The following VPS13D variants were observed in gnomAD, a reference collection of about 807,000 sequenced individuals.
The protein encoded by VPS13D is intermembrane lipid transfer protein VPS13D.
Under a neutral mutation model 461.9 loss-of-function variants are expected in VPS13D, and 187 were observed. The ratio of observed to expected loss-of-function variants is 0.40; its 90% CI spans 0.36 to 0.46. VPS13D has a LOEUF of 0.46. VPS13D is among the 20% of genes least tolerant of loss of function. The pLI is 0.60. For synonymous variants in VPS13D, 1,951 were observed against 1,986.3 expected, an observed-to-expected ratio of 0.98 and a Z score of 0.47; for missense variants, 4,711 against 5,364.9, an observed-to-expected ratio of 0.88 and a Z score of 3.81.
At chr1:12,258,751 A>G (rs1330309807) in intron 10 of VPS13D, among the ~76,000 whole-genome samples, 1 of 152,152 alleles carries the variant, frequency 6.6e-6, no homozygotes, top group Non-Finnish European at 1.5e-5. Flanking sequence ...AGCAGCTTAG[A>G]CTGTGTCTGA....
At chr1:12,342,076 C>T (rs542373868) in intron 41 of VPS13D, among the ~76,000 whole-genome samples, 191 bp downstream of exon 41, 1 of 152,210 alleles carries the variant, frequency 6.6e-6, no homozygotes, top group East Asian at 1.9e-4. Flanking sequence ...GAAGCAGGTC[C>T]TGAGTCTAAT....
chr1:12,233,132 A>G (rs1485110401), intron 1 of VPS13D, among the ~76,000 whole-genome samples: 1 of 151,682 alleles, frequency 6.6e-6, no homozygotes, highest in Non-Finnish European at 1.5e-5. Flanking sequence ...CAGCCTCCCG[A>G]GTAGCTGGGA....
chr1:12,472,575 C>T (rs1351865852), intron 67 of VPS13D, among the ~76,000 whole-genome samples: 1 of 152,172 alleles, frequency 6.6e-6, no homozygotes, highest in Non-Finnish European at 1.5e-5. Context: ...GCCACGTGTC[C>T]ATCTGCTTTT....
At chr1:12,403,754 A>G (rs930807440) in intron 62 of VPS13D, 71 bp from the exon 63 acceptor site, 2 of 1,431,260 alleles carry the variant, frequency 1.4e-6, no homozygotes, top group African/African-American at 2.9e-5. Context: ...CTATGTGAAT[A>G]CAAAGTGGAT....
chr1:12,290,071 C>A lies in VPS13D; in HGVS notation c.5726-927C>A, dbSNP rs115979916. 5.4e-3 allele frequency among the ~76,000 whole-genome samples: 816 copies of A among 152,252 alleles called. 6 individuals are homozygous for A. Among genetic ancestry groups the A allele is most frequent in the African/African-American group, 0.018 (741 of 41,544 alleles). ...TACAGAGGCAACGGTTCAGAATATT[C>A]CTTTTTAGTATCCATACAGTGTTAA... is the stretch of plus-strand genomic sequence containing the variant. On this transcript the variant is annotated intron_variant, in intron 22 of 69. Transcript: ENST00000620676.
intron 21 of VPS13D, among the ~76,000 whole-genome samples, chr1:12,285,980 T>TTCCTC (rs1641959221): frequency 9.2e-6 from 1 of 108,526 alleles, no homozygotes; most frequent in Non-Finnish European, 1.9e-5. Context: ...TTCCTTTCCT[T>TTCCTC]TCCTTTCCTT....
chr1:12,327,756 T>C lies in VPS13D; in HGVS notation c.8099T>C (p.Leu2700Ser). The C allele has an allele frequency of 6.2e-7, 1 of 1,614,156 alleles. No individual in the cohort carries two copies. Among genetic ancestry groups the C allele is most frequent in the South Asian group, 1.1e-5 (1 of 91,064 alleles). Residue 2700 changes from leucine to serine, a missense_variant, in exon 36 of 70, where the codon TTG becomes TCG. Leu to Ser is a moderately radical substitution (Grantham distance 145). Coordinates refer to ENST00000620676, the MANE Select transcript of VPS13D (RefSeq NM_015378.4). ...AGCCCAGGGGCTGTGGCAGCGCCAT[T>C]GATCTCTGGCGTGGAGATCAAAGCT... is the stretch of plus-strand genomic sequence containing the variant. ...RDSPGAVAAP[L>S]ISGVEIKAES... is the part of the protein sequence containing the mutation.
At chr1:12,350,475 A>G (rs1469919975) in intron 46 of VPS13D, among the ~76,000 whole-genome samples, 2 of 152,186 alleles carry the variant, frequency 1.3e-5, no homozygotes, top group Non-Finnish European at 2.9e-5. Flanking sequence ...TTTTGAATCA[A>G]AAGGTAATAA....
At chr1:12,388,560 G>C (rs1319984815) in intron 60 of VPS13D, among the ~76,000 whole-genome samples, 1 of 150,810 alleles carries the variant, frequency 6.6e-6, no homozygotes, top group East Asian at 1.9e-4. Context: ...GTGACAGATG[G>C]AGACTCTTGT....
intron 67 of VPS13D, among the ~76,000 whole-genome samples, chr1:12,477,608 T>C (rs1214914141): frequency 1.3e-5 from 2 of 152,162 alleles, no homozygotes; most frequent in Non-Finnish European, 2.9e-5. Context: ...TTTAACACTT[T>C]GGATGCTAAT....
intron 67 of VPS13D, 99 bp from the exon 68 acceptor site, chr1:12,497,401 A>G: frequency 2.2e-6 from 3 of 1,394,192 alleles, no homozygotes; most frequent in Non-Finnish European, 2.9e-6. Flanking sequence ...AATGTAAAGT[A>G]TGTCTCGTAT....
chr1:12,455,855 G>A, intron 65 of VPS13D, 143 bp from the exon 66 acceptor site: 1 of 1,037,554 alleles, frequency 9.6e-7, no homozygotes, highest in Non-Finnish European at 1.3e-6. Context: ...GGAGGCGGAG[G>A]TTGTGATGAG....
In VPS13D at chr1:12,299,359, C is replaced by G. The variant is rs1372459262; in HGVS notation, c.6191C>G (p.Pro2064Arg). The change falls in exon 25 of 70, where the codon CCT becomes CGT. Residue 2064 changes from proline to arginine, a missense_variant. This residue lies in a region of VPS13D where 4,411 missense variants were observed against 4,937.8 expected (regional missense o/e 0.89). Transcript: ENST00000620676. The surrounding 1 kb of genome is among the most constrained non-coding windows in gnomAD (Gnocchi z 4.2). ...AATAAGTTTCTGTTTGCTGGTTTTCCTGGCACCTTTTCCCTACAAGATAAG... is the reference window on the plus strand; with the variant it reads ...AATAAGTTTCTGTTTGCTGGTTTTCGTGGCACCTTTTCCCTACAAGATAAG... ...VKNKFLFAGFPGTFSLQDKES... is the reference protein window; with the variant it reads ...VKNKFLFAGFRGTFSLQDKES... 6.2e-7 allele frequency: 1 copy of G among 1,612,862 alleles called. No homozygotes were observed. The highest frequency in any genetic ancestry group is 2.2e-5 in the East Asian group (1 of 44,864).
At chr1:12,312,169 G>A (rs1484718722) in intron 29 of VPS13D, among the ~76,000 whole-genome samples, 1 of 152,222 alleles carries the variant, frequency 6.6e-6, no homozygotes, top group African/African-American at 2.4e-5. Flanking sequence ...TTAAAACAGT[G>A]AAGATCTTTT....
intron 44 of VPS13D, 27 bp from the exon 45 acceptor site, chr1:12,348,796 T>C (rs997925454): frequency 6.2e-7 from 1 of 1,609,978 alleles, no homozygotes; most frequent in East Asian, 2.2e-5. Context: ...GAAACATAAC[T>C]ATTTTGTCTT....
intron 60 of VPS13D, among the ~76,000 whole-genome samples, chr1:12,397,344 TA>T (rs1237391114): frequency 6.6e-6 from 1 of 152,244 alleles, no homozygotes; most frequent in East Asian, 1.9e-4. Flanking sequence ...AAGGAATTTT[TA>T]AAAATAGAAA....
At position 12,437,640 on chromosome 1, in the gene VPS13D, C is replaced by G. The variant is rs150763619; in HGVS notation, c.12334-18358C>G. 2.7e-3 allele frequency among the ~76,000 whole-genome samples: 412 copies of G among 152,222 alleles called. 3 individuals carry two copies. Among genetic ancestry groups the G allele is most frequent in the African/African-American group, 9.6e-3 (398 of 41,534 alleles). ...TCCATTCCAATGAGTAGATTTTTCT[C>G]TGGAAATCCATCCTTTCTTTTTCCA... On this transcript the variant is annotated intron_variant, in intron 65 of 69. Transcript: ENST00000620676.
At position 12,299,249 on chromosome 1, in the gene VPS13D, G is replaced by A. The variant is rs377389231; in HGVS notation, c.6081G>A (p.Glu2027=). The part of the protein sequence containing the change: ...QRCSRVLLDI[E]AGAPVLLIPE... ...GTTCACGGGTTCTCCTGGATATTGA[G>A]GCTGGTGCTCCCGTTCTCTTGATCC... Residue 2027 remains glutamate, a synonymous_variant, in exon 25 of 70, where the codon GAG becomes GAA. Transcript: ENST00000620676. This position sits in a 1 kb window ranked among gnomAD's most constrained non-coding sequence, Gnocchi z 4.2. 6.2e-7 allele frequency: 1 copy of A among 1,613,624 alleles called. No individual in the cohort carries two copies. The highest frequency in any genetic ancestry group is 8.5e-7 in the Non-Finnish European group (1 of 1,179,950).
chr1:12,417,770 G>A (rs1044402168), intron 65 of VPS13D, among the ~76,000 whole-genome samples: 1 of 152,178 alleles, frequency 6.6e-6, no homozygotes, highest in African/African-American at 2.4e-5. Context: ...TGTGAAAGCT[G>A]AGAATTTATT....
Sources: allele counts gnomAD v4.1 joint callset (sites outside exome capture counted in the v4.1 genomes callset), GRCh38; gene constraint gnomAD v4.1.1; regional missense constraint gnomAD v4.1.1; non-coding constraint Gnocchi (gnomAD v3.1); transcripts MANE v1.5; gene names NCBI Gene and HGNC (gene_info 2026-07-23, HGNC 2026-07-21).